Variants in SBNO2 observed in about 807,000 individuals in gnomAD.
SBNO2 encodes the protein protein strawberry notch homolog 2.
SBNO2 carries 89 observed loss-of-function variants against 146.3 expected under a neutral mutation model. The ratio of observed to expected loss-of-function variants is 0.61; its 90% CI spans 0.51 to 0.73. SBNO2 has a LOEUF of 0.73. Ranked by LOEUF, SBNO2 falls within the 30% of genes least tolerant of loss-of-function variation. The pLI, the probability that SBNO2 is intolerant of heterozygous loss-of-function variation, is 0.00. For missense variants in SBNO2, 2,092 were observed against 2,003.7 expected (o/e 1.04, Z -0.84); for synonymous variants, 1,147 against 892.6 (o/e 1.29, Z -5.08).
rs2079930267 is a variant in SBNO2 at position 1,123,571 on chromosome 19, C to T, written c.591G>A (p.Gly197=). The change falls in exon 7 of 32, where the codon GGG becomes GGA. Residue 197 remains glycine, a synonymous_variant. Transcript: ENST00000361757. ...CGTAGTCGGCGTAGGTCTCTGTGTG[C>T]CCCAGCTCCTCCGCCTCCTCCTCCT... ...EAEEEEAEEL[G]HTETYADYVP... 1 of 1,613,592 alleles carries T rather than the reference C, an allele frequency of 6.2e-7. No homozygotes were observed. The highest frequency in any genetic ancestry group is 8.5e-7 in the Non-Finnish European group (1 of 1,179,812).
chr19:1,159,256 T>C (rs1370444850), intron 1 of SBNO2, among the ~76,000 whole-genome samples: 1 of 151,732 alleles, frequency 6.6e-6, no homozygotes, highest in Non-Finnish European at 1.5e-5. Context: ...CCCTGCAAGC[T>C]CAGGCACCTG....
rs558319873 is a variant in SBNO2, at chr19:1,126,226, C to T, written c.441+1378G>A. Among the ~76,000 whole-genome samples the T allele has an allele frequency of 3.9e-5, 6 of 152,116 alleles. No homozygotes were observed. In the East Asian group the frequency reaches 9.7e-4, roughly 24 times the overall value. ...TGAGGGTTTTTAAAGAAAGTGGAAGCGTGGCACAGGAAGGTTAGAAACCTA... is the reference window on the plus strand; with the variant it reads ...TGAGGGTTTTTAAAGAAAGTGGAAGTGTGGCACAGGAAGGTTAGAAACCTA... On this transcript the variant is annotated intron_variant, in intron 5 of 31. Transcript: ENST00000361757. This position sits in a 1 kb window ranked among gnomAD's most constrained non-coding sequence, Gnocchi z 4.4.
chr19:1,112,234 C>CCCGGCCAGCT lies in SBNO2; in HGVS notation c.2573_2582dup (p.Glu862AlafsTer33). On this transcript the variant is annotated frameshift_variant, in exon 22 of 32. Coordinates refer to ENST00000361757, the MANE Select transcript of SBNO2 (RefSeq NM_014963.3). LOFTEE classifies it high-confidence loss of function. This position sits in a 1 kb window ranked among gnomAD's most constrained non-coding sequence, Gnocchi z 5.9. ...CCACGATGGAGGCGAACCGGCGCTC[C>CCCGGCCAGCT]CCGGCCAGCTCCGAGATGAGGAAGA... The CCCGGCCAGCT allele has an allele frequency of 6.3e-7, 1 of 1,591,630 alleles. No homozygotes were observed. Among genetic ancestry groups the CCCGGCCAGCT allele is most frequent in the Non-Finnish European group, 8.6e-7 (1 of 1,169,532 alleles).
rs1032507336 is a variant in SBNO2 at position 1,136,773 on chromosome 19, C to A, written c.280-9008G>T. Among the ~76,000 whole-genome samples, 3 of 152,226 alleles carry A rather than the reference C, an allele frequency of 2.0e-5. No individual in the cohort carries two copies. Among genetic ancestry groups the A allele is most frequent in the African/African-American group, 7.2e-5 (3 of 41,464 alleles). On this transcript the variant is annotated intron_variant, in intron 4 of 31. Transcript: ENST00000361757. The surrounding 1 kb of genome is among the most constrained non-coding windows in gnomAD (Gnocchi z 4.2). ...AGAACAGTCAATGCTGCCTGCCTCC[C>A]TGCCTGAAAGCAGCCAGAGTTTGCA...
At chr19:1,151,542 G>A (rs2080242600) in intron 2 of SBNO2, among the ~76,000 whole-genome samples, 1 of 152,232 alleles carries the variant, frequency 6.6e-6, no homozygotes, top group East Asian at 1.9e-4. Flanking sequence ...GTCTTCCCTG[G>A]GACCTTCTCT....
Position 1,108,031 on chromosome 19 carries a change from C to T in SBNO2, c.*189G>A, listed in dbSNP as rs905426580. On this transcript the variant is annotated 3_prime_UTR_variant, in exon 32 of 32. Transcript: ENST00000361757. Reference sequence around the variant, plus strand: ...GAGAGGGCCCTGCCACGCCCCGGCCCCCAGCTGTCCTGAGTGGGCCCCGCC... The same window carrying T: ...GAGAGGGCCCTGCCACGCCCCGGCCTCCAGCTGTCCTGAGTGGGCCCCGCC... 1.0e-5 allele frequency: 5 copies of T among 487,238 alleles called. No homozygotes were observed. The highest frequency in any genetic ancestry group is 1.0e-5 in the Non-Finnish European group (3 of 299,708). 30.2% of individuals were successfully genotyped at this position (487,238 alleles called of 1,614,324 possible).
chr19:1,172,002 C>T (rs975892806), intron 1 of SBNO2, among the ~76,000 whole-genome samples: 1 of 152,200 alleles, frequency 6.6e-6, no homozygotes, highest in Non-Finnish European at 1.5e-5. Flanking sequence ...GAAGCTCCTG[C>T]TGCCTCTTCT....
chr19:1,141,048 C>CGCACCCCGGAGAAGAT (rs2080131498), intron 4 of SBNO2, among the ~76,000 whole-genome samples: 1 of 151,316 alleles, frequency 6.6e-6, no homozygotes, highest in African/African-American at 2.4e-5. Context: ...CCGGAGAAGA[C>CGCACCCCGGAGAAGAT]GCACCCCGGA....
intron 4 of SBNO2, chr19:1,132,068 C>T (rs1432174396): frequency 3.3e-6 from 5 of 1,511,684 alleles, no homozygotes; most frequent in Non-Finnish European, 3.5e-6. Context: ...GGGCCTCGCC[C>T]GCCCCGGGAA....
At position 1,112,965 on chromosome 19, in the gene SBNO2, G is replaced by A. The variant is rs1166652537; in HGVS notation, c.2248-16C>T. 1.9e-6 allele frequency: 3 copies of A among 1,549,346 alleles called. No homozygotes were observed. Among genetic ancestry groups the A allele is most frequent in the South Asian group, 1.2e-5 (1 of 84,424 alleles). Reference sequence around the variant, plus strand: ...TGCCGGTCATCTGCAGCCGAGACAGGGACAAAACCGGCCGTCAGTGTTGTG... The same window carrying A: ...TGCCGGTCATCTGCAGCCGAGACAGAGACAAAACCGGCCGTCAGTGTTGTG... On this transcript the variant is annotated splice_polypyrimidine_tract_variant and intron_variant, in intron 19 of 31. Coordinates refer to ENST00000361757, the MANE Select transcript of SBNO2 (RefSeq NM_014963.3). The surrounding 1 kb of genome is among the most constrained non-coding windows in gnomAD (Gnocchi z 5.9).
intron 2 of SBNO2, among the ~76,000 whole-genome samples, 156 bp downstream of exon 2, chr19:1,154,028 G>C (rs1310900605): frequency 6.6e-6 from 1 of 152,196 alleles, no homozygotes; most frequent in African/African-American, 2.4e-5. Context: ...GGGCCCACGG[G>C]GGCGGGTGGA....
At chr19:1,122,415 T>C (rs1170287416) in intron 10 of SBNO2, 53 bp downstream of exon 10, 2 of 1,532,126 alleles carry the variant, frequency 1.3e-6, no homozygotes, top group Non-Finnish European at 1.8e-6. Context: ...AGCCCCCACT[T>C]TGCAGGGCAC....
At chr19:1,124,519 G>A (rs1341548628) in intron 5 of SBNO2, among the ~76,000 whole-genome samples, 1 of 152,158 alleles carries the variant, frequency 6.6e-6, no homozygotes, top group Non-Finnish European at 1.5e-5. Context: ...GCGGGCCTGG[G>A]CCTTGTCCCT....
At chr19:1,130,765 C>A (rs763925878) in intron 4 of SBNO2, among the ~76,000 whole-genome samples, 1 of 152,194 alleles carries the variant, frequency 6.6e-6, no homozygotes, top group Non-Finnish European at 1.5e-5. Context: ...GCACACCAGC[C>A]TGGGTGACAG....
chr19:1,109,880 A>C lies in SBNO2; in HGVS notation c.3029-103T>G. ...GGCGCACCCTAGAGACGACCCCCCGAGAGCACAGGAGAGGGTGTCCTGGAT... is the reference window on the plus strand; with the variant it reads ...GGCGCACCCTAGAGACGACCCCCCGCGAGCACAGGAGAGGGTGTCCTGGAT... On this transcript the variant is annotated intron_variant, in intron 26 of 31. Coordinates refer to ENST00000361757, the MANE Select transcript of SBNO2 (RefSeq NM_014963.3). The surrounding 1 kb of genome is among the most constrained non-coding windows in gnomAD (Gnocchi z 4.2). The C allele has an allele frequency of 1.3e-6, 1 of 776,364 alleles. No individual in the cohort carries two copies. The highest frequency in any genetic ancestry group is 2.8e-5 in the Admixed American group (1 of 35,226). 48.1% of individuals were successfully genotyped at this position (776,364 alleles called of 1,614,324 possible).
At chr19:1,135,045 CA>C (rs201799961) in intron 4 of SBNO2, among the ~76,000 whole-genome samples, 199 of 51,274 alleles carry the variant, frequency 3.9e-3, no homozygotes, top group Middle Eastern at 0.013. Flanking sequence ...GACTCTGTCT[CA>C]AAAAAAAAAA....
rs1331312813 is a variant in SBNO2, at chr19:1,144,792, AGAGAGG to A, written c.279+2511_279+2516del. Reference sequence around the variant, plus strand: ...GAGGCAGAGACAAAGAGACAGAGACAGAGAGGGAGACAGAGAGACAGAGACAGAGAG... The same window carrying A: ...GAGGCAGAGACAAAGAGACAGAGACAGAGACAGAGAGACAGAGACAGAGAG... On this transcript the variant is annotated intron_variant, in intron 4 of 31. Transcript: ENST00000361757. This position sits in a 1 kb window ranked among gnomAD's most constrained non-coding sequence, Gnocchi z 4.1. Among the ~76,000 whole-genome samples the A allele has an allele frequency of 1.3e-5, 2 of 151,318 alleles. No homozygotes were observed. The highest frequency in any genetic ancestry group is 6.6e-5 in the Admixed American group (1 of 15,204).
Position 1,140,600 on chromosome 19 carries a change from G to A in SBNO2, c.279+6709C>T, listed in dbSNP as rs1359081230. On this transcript the variant is annotated intron_variant, in intron 4 of 31. Coordinates refer to ENST00000361757, the MANE Select transcript of SBNO2 (RefSeq NM_014963.3). The surrounding 1 kb of genome is among the most constrained non-coding windows in gnomAD (Gnocchi z 4.4). ...CATCCTGGCGCAGCGTGAGCCCCAG[G>A]GGTGGGGGTGGGGGTGGCCAGGGAG... Among the ~76,000 whole-genome samples the A allele has an allele frequency of 2.0e-5, 3 of 152,182 alleles. No individual in the cohort carries two copies. Among genetic ancestry groups the A allele is most frequent in the Non-Finnish European group, 2.9e-5 (2 of 68,022 alleles).
At chr19:1,113,014 G>A (rs926856753) in intron 19 of SBNO2, 65 bp from the exon 20 acceptor site, 36 of 1,496,812 alleles carry the variant, frequency 2.4e-5, no homozygotes, top group Admixed American at 4.1e-5. Context: ...CTGGCCACCC[G>A]TGTCTCAGCT....
Sources: allele counts gnomAD v4.1 joint callset (sites outside exome capture counted in the v4.1 genomes callset), GRCh38; gene constraint gnomAD v4.1.1; non-coding constraint Gnocchi (gnomAD v3.1); transcripts MANE v1.5; gene names NCBI Gene and HGNC (gene_info 2026-07-23, HGNC 2026-07-21).